Variants in KALRN observed in about 807,000 individuals in gnomAD.
KALRN encodes the protein kalirin RhoGEF kinase.
KALRN carries 70 observed loss-of-function variants against 353.7 expected under a neutral mutation model. The observed-to-expected ratio is 0.20, with a 90% confidence interval of 0.16 to 0.24. KALRN has a LOEUF of 0.24. Among genes scored for constraint, KALRN ranks in the 10% least tolerant of loss-of-function variants. The pLI is 1.00. For synonymous variants in KALRN, 1,391 were observed against 1,434.8 expected, an observed-to-expected ratio of 0.97 and a Z score of 0.69; for missense variants, 2,791 against 3,756.7, an observed-to-expected ratio of 0.74 and a Z score of 6.72.
intron 23 of KALRN, among the ~76,000 whole-genome samples, chr3:124,459,562 C>T (rs2059650614): frequency 1.3e-5 from 2 of 152,116 alleles, no homozygotes; most frequent in African/African-American, 4.8e-5. Context: ...GAGTTGTCTA[C>T]CAACATTTCA....
At chr3:124,433,753 G>A (rs2093369158) in intron 16 of KALRN, among the ~76,000 whole-genome samples, 1 of 152,150 alleles carries the variant, frequency 6.6e-6, no homozygotes, top group African/African-American at 2.4e-5. Context: ...TGATGTAGGA[G>A]GTTACTCTCT....
chr3:124,484,924 C>T (rs976697726), intron 28 of KALRN, among the ~76,000 whole-genome samples: 18 of 151,906 alleles, frequency 1.2e-4, no homozygotes, highest in African/African-American at 1.9e-4. Context: ...GCCAACATGG[C>T]GAAACCCCGT....
At chr3:124,173,101 G>C (rs1233527309) in intron 1 of KALRN, among the ~76,000 whole-genome samples, 1 of 152,092 alleles carries the variant, frequency 6.6e-6, no homozygotes, top group Non-Finnish European at 1.5e-5. Context: ...ATTGGTGATT[G>C]GGGGGTGGGG....
intron 7 of KALRN, among the ~76,000 whole-genome samples, chr3:124,328,042 G>T (rs148749779): frequency 2.6e-4 from 40 of 152,308 alleles, no homozygotes; most frequent in African/African-American, 8.9e-4. Flanking sequence ...TTACTAAACA[G>T]TGGACATTAC....
intron 1 of KALRN, among the ~76,000 whole-genome samples, chr3:124,039,918 G>T (rs753123070): frequency 4.6e-5 from 7 of 152,100 alleles, no homozygotes; most frequent in African/African-American, 1.7e-4. Context: ...AGGAGCCTTT[G>T]GGGGAGTATT....
chr3:124,355,709 CTTT>C (rs3055894), intron 10 of KALRN, among the ~76,000 whole-genome samples: 3 of 97,412 alleles, frequency 3.1e-5, no homozygotes, highest in African/African-American at 1.2e-4. Context: ...TCTCTCCCAT[CTTT>C]TTTTTTTTTT....
intron 9 of KALRN, among the ~76,000 whole-genome samples, chr3:124,335,213 C>T (rs1394879984): frequency 6.6e-6 from 1 of 152,138 alleles, no homozygotes; most frequent in African/African-American, 2.4e-5. Context: ...CTGGGATGCA[C>T]GTGGCCTGCC....
Position 124,334,176 on chromosome 3 carries a change from C to A in KALRN, c.1417-89C>A. ...GCCTGAGATTCTCAGAAGGCCTAGT[C>A]AGGGACCCTCAGGCAGACACTTCCT... On this transcript the variant is annotated intron_variant, in intron 8 of 59. Coordinates refer to ENST00000682506, the MANE Select transcript of KALRN (RefSeq NM_001388419.1). The surrounding 1 kb of genome is among the most constrained non-coding windows in gnomAD (Gnocchi z 4.2). 3 of 1,122,216 alleles carry A rather than the reference C, an allele frequency of 2.7e-6. No homozygotes were observed. The highest frequency in any genetic ancestry group is 4.0e-6 in the Non-Finnish European group (3 of 747,870). The allele number at this position is 1,122,216 out of a possible 1,614,324, so 69.5% of individuals were successfully genotyped here. A position where few individuals can be genotyped will look rare whatever the true frequency, so the allele number is the denominator to read the frequency against.
chr3:124,264,933 C>T (rs1261007212), intron 4 of KALRN, among the ~76,000 whole-genome samples: 1 of 152,190 alleles, frequency 6.6e-6, no homozygotes, highest in Non-Finnish European at 1.5e-5. Context: ...GTTGTGTTAA[C>T]TGGGACAACT....
At chr3:124,542,815 C>T (rs1286821491) in intron 33 of KALRN, among the ~76,000 whole-genome samples, 1 of 152,202 alleles carries the variant, frequency 6.6e-6, no homozygotes, top group Non-Finnish European at 1.5e-5. Flanking sequence ...TGCTCCCTAA[C>T]AAATTACTTC....
chr3:124,350,468 G>A (rs1395690567), intron 10 of KALRN, among the ~76,000 whole-genome samples: 1 of 152,078 alleles, frequency 6.6e-6, no homozygotes, highest in Non-Finnish European at 1.5e-5. Context: ...AGCTTGTCAG[G>A]GGCTCTGCTG....
intron 1 of KALRN, among the ~76,000 whole-genome samples, chr3:124,214,543 G>A (rs2077157391): frequency 6.6e-6 from 1 of 152,204 alleles, no homozygotes; most frequent in Non-Finnish European, 1.5e-5. Context: ...GGAGCTGAAA[G>A]AGCAGGGGAC....
intron 1 of KALRN, among the ~76,000 whole-genome samples, chr3:124,154,756 A>G (rs531122437): frequency 8.6e-4 from 131 of 152,302 alleles, no homozygotes; most frequent in African/African-American, 2.9e-3. Flanking sequence ...ATTGGAAAAA[A>G]CTACTTTAAA....
In KALRN at chr3:124,490,635, A is replaced by G; in HGVS notation, c.4397-59A>G. ...CCTTTCTCCAAGAGGGGGGTGGAAC[A>G]TGGCCCCCTGACTGTGGCAGTAGAG... On this transcript the variant is annotated intron_variant, in intron 29 of 59. Coordinates refer to ENST00000682506, the MANE Select transcript of KALRN (RefSeq NM_001388419.1). 4 of 1,519,138 alleles carry G rather than the reference A, an allele frequency of 2.6e-6. No homozygotes were observed. The Admixed American group carries it at 7.2e-5, about 27-fold the overall frequency. The allele number at this position is 1,519,138 out of a possible 1,614,324, so 94.1% of individuals were successfully genotyped here. A position where few individuals can be genotyped will look rare whatever the true frequency, so the allele number is the denominator to read the frequency against.
intron 10 of KALRN, among the ~76,000 whole-genome samples, chr3:124,348,040 T>C (rs188195158): frequency 1.3e-3 from 205 of 152,308 alleles, no homozygotes; most frequent in African/African-American, 4.5e-3. Context: ...TATTTCTGCA[T>C]TGGGGAGTTT....
intron 16 of KALRN, 93 bp downstream of exon 16, chr3:124,430,868 C>A: frequency 6.9e-7 from 1 of 1,441,088 alleles, no homozygotes; most frequent in Non-Finnish European, 9.3e-7. Flanking sequence ...TTCCTTCAGG[C>A]AGCGAAGGCT....
chr3:124,599,278 C>A (rs1364336818), intron 34 of KALRN, among the ~76,000 whole-genome samples: 1 of 152,144 alleles, frequency 6.6e-6, no homozygotes, highest in African/African-American at 2.4e-5. Flanking sequence ...TTTTTTAGGA[C>A]CTTGCTTGAA....
intron 6 of KALRN, among the ~76,000 whole-genome samples, 192 bp from the exon 7 acceptor site, chr3:124,325,788 T>A (rs151074494): frequency 1.0e-3 from 159 of 152,356 alleles, no homozygotes; most frequent in South Asian, 1.7e-3. Flanking sequence ...GAAAGTTCCC[T>A]GCTATCTACT....
intron 1 of KALRN, among the ~76,000 whole-genome samples, chr3:124,141,709 T>C (rs945260367): frequency 2.6e-5 from 4 of 152,262 alleles, no homozygotes; most frequent in African/African-American, 9.6e-5. Context: ...GTTCTCATTC[T>C]TTCTGCGTTC....
Sources: gnomAD v4.1 joint callset for allele counts (sites outside exome capture counted in the v4.1 genomes callset) on GRCh38, gnomAD v4.1.1 for gene constraint, Gnocchi (gnomAD v3.1) non-coding constraint, MANE v1.5 for transcripts, NCBI Gene and HGNC (gene_info 2026-07-23, HGNC 2026-07-21) for gene names.